The following HOXA10 variants were observed in gnomAD, a reference collection of about 807,000 sequenced individuals.
HOXA10 encodes the protein homeobox protein Hox-A10.
In HOXA10, 12 loss-of-function variants were observed where a neutral mutation model predicts 29.7. The ratio of observed to expected loss-of-function variants is 0.40; its 90% CI spans 0.26 to 0.65. HOXA10 has a LOEUF of 0.65. HOXA10 is among the 30% of genes least tolerant of loss of function. HOXA10 has a pLI of 0.37. For missense variants in HOXA10, 656 were observed against 585.9 expected, an observed-to-expected ratio of 1.12 and a Z score of -1.24; for synonymous variants, 327 against 280.7, an observed-to-expected ratio of 1.16 and a Z score of -1.65.
rs1418250689 is a variant in HOXA10, at chr7:27,171,207, C to T, written c.*692G>A. The T allele has an allele frequency of 4.4e-6, 2 of 454,182 alleles. No individual in the cohort carries two copies. Among genetic ancestry groups the T allele is most frequent in the Non-Finnish European group, 8.8e-6 (2 of 226,768 alleles). The allele number at this position is 454,182 out of a possible 1,614,324, so 28.1% of individuals were successfully genotyped here. On this transcript the variant is annotated 3_prime_UTR_variant, in exon 2 of 2. Transcript: ENST00000283921. Reference sequence around the variant, plus strand: ...TTACAGAAACTGGAAGAGAAGTCCCCTTCTCTTGGTAATTCTTTTTTTTTC... The same window carrying T: ...TTACAGAAACTGGAAGAGAAGTCCCTTTCTCTTGGTAATTCTTTTTTTTTC...
chr7:27,177,446 T>TGGCCGGCTGCAGGCG (rs1783673140), upstream of HOXA10, among the ~76,000 whole-genome samples: 1 of 152,138 alleles, frequency 6.6e-6, no homozygotes, highest in African/African-American at 2.4e-5. Context: ...GCCGGTGAGC[T>TGGCCGGCTGCAGGCG]GGCCGGCTGC....
Position 27,173,398 on chromosome 7 carries a change from G to A in HOXA10, c.909C>T (p.Ser303=). 1 of 1,611,464 alleles carries A rather than the reference G, an allele frequency of 6.2e-7. No homozygotes were observed. Among genetic ancestry groups the A allele is most frequent in the Non-Finnish European group, 8.5e-7 (1 of 1,179,642 alleles). ...CTTTGCTGCTCTCGGAAGGGGCCGG[G>A]GAGAGCTCCTCCGCGGCCGAGGACG... ...HASSSAAEEL[S]PAPSESSKAS... The change falls in exon 1 of 2, where the codon TCC becomes TCT. Residue 303 remains serine (S), a synonymous_variant. Coordinates refer to ENST00000283921, the MANE Select transcript of HOXA10 (RefSeq NM_018951.4).
At position 27,173,562 on chromosome 7, in the gene HOXA10, C is replaced by A. The variant is rs959282241; in HGVS notation, c.745G>T (p.Gly249Cys). The A allele has an allele frequency of 5.5e-6, 8 of 1,461,300 alleles. No individual in the cohort carries two copies. The African/African-American group carries it at 6.0e-5, about 11-fold the overall frequency. 90.5% of individuals were successfully genotyped at this position (1,461,300 alleles called of 1,614,324 possible). A position where few individuals can be genotyped will look rare whatever the true frequency, so the allele number is the denominator to read the frequency against. The part of the protein sequence containing the change: ...GPFPAQPPGR[G>C]FDLPPALASG... ...GCTAGCGCGGGCGGGAGATCGAAAC[C>A]GCGCCCCGGGGGCTGCGCGGGGAAC... is the stretch of plus-strand genomic sequence containing the variant. Residue 249 changes from glycine (G) to cysteine (C), a missense_variant, in exon 1 of 2, where the codon GGT (glycine) becomes TGT (cysteine). Physicochemically the swap from Gly to Cys is radical, Grantham distance 159. Transcript: ENST00000283921.
Position 27,170,890 on chromosome 7 carries a change from C to G in HOXA10, c.*1009G>C, listed in dbSNP as rs1230167054. On this transcript the variant is annotated 3_prime_UTR_variant, in exon 2 of 2. Transcript: ENST00000283921. ...AGTATAAAGGAAATCCAAACAATGT[C>G]TCCCTTCTCTAGTTTATTCCGCTTA... The G allele has an allele frequency of 4.4e-6, 2 of 454,314 alleles. No homozygotes were observed. Among genetic ancestry groups the G allele is most frequent in the South Asian group, 3.1e-5 (2 of 64,474 alleles). The allele number at this position is 454,314 out of a possible 1,614,324, so 28.1% of individuals were successfully genotyped here.
Position 27,173,873 on chromosome 7 carries a change from G to A in HOXA10, c.434C>T (p.Pro145Leu). The A allele has an allele frequency of 6.3e-7, 1 of 1,582,822 alleles. No homozygotes were observed. The highest frequency in any genetic ancestry group is 8.6e-7 in the Non-Finnish European group (1 of 1,166,158). The change falls in exon 1 of 2, where the codon CCG becomes CTG. Residue 145 changes from proline (P) to leucine (L), a missense_variant. Physicochemically the swap from Pro to Leu is moderately conservative, Grantham distance 98. This residue lies in a region of HOXA10 where 594 missense variants were observed against 491.9 expected (regional missense o/e 1.21). Transcript: ENST00000283921. ...PPPQQQPPPP[P>L]QPPQPAPQAT... ...CTGCGGCGCTGGCTGGGGTGGTTGC[G>A]GCGGGGGCGGCGGCTGCTGCTGGGG... is the stretch of plus-strand genomic sequence containing the variant.
upstream of HOXA10, among the ~76,000 whole-genome samples, chr7:27,178,994 T>C (rs1783703262): frequency 6.6e-6 from 1 of 152,262 alleles, no homozygotes; most frequent in South Asian, 2.1e-4. Flanking sequence ...TTGCAAAATA[T>C]CTTCTACAAA....
chr7:27,178,121 C>G (rs1462081644), upstream of HOXA10, among the ~76,000 whole-genome samples: 3 of 152,248 alleles, frequency 2.0e-5, 1 homozygote, highest in Admixed American at 2.0e-4. Flanking sequence ...TGCTAGTAAA[C>G]AATTTATATC....
rs747152634 is a variant in HOXA10 at position 27,173,320 on chromosome 7, T to C, written c.958+29A>G. The stretch of plus-strand genomic sequence containing the variant: ...CCTTGTGTCTGCCTGTCTGCCCGCC[T>C]GACTGCAGCCCTCTGCAGCCCTGCT... On this transcript the variant is annotated intron_variant, in intron 1 of 1. Transcript: ENST00000283921. The C allele has an allele frequency of 3.1e-6, 5 of 1,610,776 alleles. No homozygotes were observed. In the South Asian group the frequency reaches 5.5e-5, roughly 18 times the overall value.
rs764970570 is a variant in HOXA10, at chr7:27,170,936, T to C, written c.*963A>G. ...GCTTACCCCAGTCCTCCTAGGCTTC[T>C]GTGAATTTCAGAAAGCAAAAACAAA... On this transcript the variant is annotated 3_prime_UTR_variant, in exon 2 of 2. Coordinates refer to ENST00000283921, the MANE Select transcript of HOXA10 (RefSeq NM_018951.4). The C allele has an allele frequency of 2.2e-6, 1 of 453,790 alleles. No individual in the cohort carries two copies. The highest frequency in any genetic ancestry group is 4.4e-6 in the Non-Finnish European group (1 of 226,702). The allele number at this position is 453,790 out of a possible 1,614,324, so 28.1% of individuals were successfully genotyped here.
In HOXA10 at chr7:27,173,582, G is replaced by T. The variant is rs1355422883; in HGVS notation, c.725C>A (p.Pro242His). Residue 242 changes from proline to histidine, a missense_variant, in exon 1 of 2, where the codon CCC (proline) becomes CAC (histidine). Around this residue, in one of 2 missense-constraint regions of HOXA10, gnomAD observed 594 missense variants for 491.9 expected, o/e 1.21. Coordinates refer to ENST00000283921, the MANE Select transcript of HOXA10 (RefSeq NM_018951.4). ...GAAACCGCGCCCCGGGGGCTGCGCG[G>T]GGAACGGGCCAGCCCCGAGTTGCTG... ...GAQQLGAGPF[P>H]AQPPGRGFDL... 1 of 1,478,982 alleles carries T rather than the reference G, an allele frequency of 6.8e-7. No individual in the cohort carries two copies. The highest frequency in any genetic ancestry group is 1.5e-5 in the African/African-American group (1 of 67,514). The allele number at this position is 1,478,982 out of a possible 1,614,324, so 91.6% of individuals were successfully genotyped here.
Position 27,173,878 on chromosome 7 carries a change from G to A in HOXA10, c.429C>T (p.Pro143=), listed in dbSNP as rs1562510998. The stretch of plus-strand genomic sequence containing the variant: ...GCGCTGGCTGGGGTGGTTGCGGCGG[G>A]GGCGGCGGCTGCTGCTGGGGCGGCG... ...PPPPPQQQPP[P]PPQPPQPAPQ... Residue 143 remains proline, a synonymous_variant, in exon 1 of 2, where the codon CCC becomes CCT. Transcript: ENST00000283921. 3 of 1,578,168 alleles carry A rather than the reference G, an allele frequency of 1.9e-6. No homozygotes were observed. Among genetic ancestry groups the A allele is most frequent in the East Asian group, 4.7e-5 (2 of 42,728 alleles).
chr7:27,171,990 T>G lies in HOXA10; in HGVS notation c.1142A>C (p.Lys381Thr). The part of the protein sequence containing the change: ...RSVHLTDRQV[K>T]IWFQNRRMKL... Reference sequence around the variant, plus strand: ...CATCCTGCGGTTCTGAAACCAGATTTTCACTTGTCTGTCCGTGAGGTGGAC... The same window carrying G: ...CATCCTGCGGTTCTGAAACCAGATTGTCACTTGTCTGTCCGTGAGGTGGAC... The change falls in exon 2 of 2, where the codon AAA becomes ACA. Residue 381 changes from lysine to threonine, a missense_variant. Coordinates refer to ENST00000283921, the MANE Select transcript of HOXA10 (RefSeq NM_018951.4). 1.2e-6 allele frequency: 2 copies of G among 1,614,230 alleles called. No homozygotes were observed. Among genetic ancestry groups the G allele is most frequent in the Non-Finnish European group, 1.7e-6 (2 of 1,180,018 alleles).
At position 27,171,770 on chromosome 7, in the gene HOXA10, C is replaced by T; in HGVS notation, c.*129G>A. ...CCAGCCCTGCACAGATGTAACGGCC[C>T]AGGAGATGGCGAGTGTGGGAGGGAG... On this transcript the variant is annotated 3_prime_UTR_variant, in exon 2 of 2. Transcript: ENST00000283921. The T allele has an allele frequency of 1.1e-6, 1 of 932,968 alleles. No individual in the cohort carries two copies. Among genetic ancestry groups the T allele is most frequent in the Non-Finnish European group, 1.8e-6 (1 of 561,006 alleles). The allele number at this position is 932,968 out of a possible 1,614,324, so 57.8% of individuals were successfully genotyped here. A position where few individuals can be genotyped will look rare whatever the true frequency, so the allele number is the denominator to read the frequency against.
rs764459132 is a variant in HOXA10, at chr7:27,173,497, G to A, written c.810C>T (p.Leu270=). The A allele has an allele frequency of 1.8e-4, 271 of 1,527,304 alleles. No homozygotes were observed. The highest frequency in any genetic ancestry group is 8.0e-4 in the South Asian group (65 of 81,298). 94.6% of individuals were successfully genotyped at this position (1,527,304 alleles called of 1,614,324 possible). ...CCAGCGTGGGGGGCGGCGGCGAATC[G>A]AGGGCTCGCTCCTTCCGGGCCGCAT... The part of the protein sequence containing the change: ...SADAARKERA[L]DSPPPPTLAC... Residue 270 remains leucine, a synonymous_variant, in exon 1 of 2, where the codon CTC becomes CTT. Transcript: ENST00000283921.
In HOXA10 at chr7:27,171,322, G is replaced by T. The variant is rs775284134; in HGVS notation, c.*577C>A. On this transcript the variant is annotated 3_prime_UTR_variant, in exon 2 of 2. Coordinates refer to ENST00000283921, the MANE Select transcript of HOXA10 (RefSeq NM_018951.4). Reference sequence around the variant, plus strand: ...TTTTAAATCAGCCAAAGTCAAGCCCGTTTGCCAACCTGCATGTCCATGCCT... The same window carrying T: ...TTTTAAATCAGCCAAAGTCAAGCCCTTTTGCCAACCTGCATGTCCATGCCT... 1 of 454,054 alleles carries T rather than the reference G, an allele frequency of 2.2e-6. No individual in the cohort carries two copies. Among genetic ancestry groups the T allele is most frequent in the Admixed American group, 2.4e-5 (1 of 42,550 alleles). 28.1% of individuals were successfully genotyped at this position (454,054 alleles called of 1,614,324 possible).
At chr7:27,176,335 A>C (rs546403879), upstream of HOXA10, among the ~76,000 whole-genome samples, 20 of 152,348 alleles carry the variant, frequency 1.3e-4, no homozygotes, top group Middle Eastern at 3.4e-3. Flanking sequence ...TCCTGCGCCC[A>C]AGGCCAAGGC....
chr7:27,178,270 T>C (rs947069087), upstream of HOXA10, among the ~76,000 whole-genome samples: 12 of 152,256 alleles, frequency 7.9e-5, no homozygotes, highest in African/African-American at 2.7e-4. Context: ...GAGCTTCTCA[T>C]ATCCATGCAT....
chr7:27,173,892 G>C lies in HOXA10; in HGVS notation c.415C>G (p.Gln139Glu). Residue 139 changes from glutamine (Q) to glutamate (E), a missense_variant, in exon 1 of 2, where the codon CAG (glutamine) becomes GAG (glutamate). Gln to Glu is a conservative substitution (Grantham distance 29). Coordinates refer to ENST00000283921, the MANE Select transcript of HOXA10 (RefSeq NM_018951.4). Reference protein sequence around the residue: ...PPDGPPPPPQQQPPPPPQPPQ... With the variant: ...PPDGPPPPPQEQPPPPPQPPQ... ...GGTTGCGGCGGGGGCGGCGGCTGCT[G>C]CTGGGGCGGCGGCGGCGGCCCGTCA... 6.5e-7 allele frequency: 1 copy of C among 1,544,264 alleles called. No homozygotes were observed. Among genetic ancestry groups the C allele is most frequent in the Non-Finnish European group, 8.7e-7 (1 of 1,145,624 alleles).
Position 27,171,777 on chromosome 7 carries a change from T to C in HOXA10, c.*122A>G. Reference sequence around the variant, plus strand: ...TGCACAGATGTAACGGCCCAGGAGATGGCGAGTGTGGGAGGGAGGAACAGG... The same window carrying C: ...TGCACAGATGTAACGGCCCAGGAGACGGCGAGTGTGGGAGGGAGGAACAGG... On this transcript the variant is annotated 3_prime_UTR_variant, in exon 2 of 2. Coordinates refer to ENST00000283921, the MANE Select transcript of HOXA10 (RefSeq NM_018951.4). 2.0e-6 allele frequency: 2 copies of C among 977,094 alleles called. No individual in the cohort carries two copies. The highest frequency in any genetic ancestry group is 1.3e-5 in the South Asian group (1 of 77,722). 60.5% of individuals were successfully genotyped at this position (977,094 alleles called of 1,614,324 possible).
Sources: gnomAD v4.1 joint callset for allele counts (sites outside exome capture counted in the v4.1 genomes callset) on GRCh38, gnomAD v4.1.1 for gene constraint, gnomAD v4.1.1 regional missense constraint, MANE v1.5 for transcripts, NCBI Gene and HGNC (gene_info 2026-07-23, HGNC 2026-07-21) for gene names.